Variants in RBFOX2 observed in about 807,000 individuals in gnomAD.
RBFOX2 encodes RNA binding fox-1 homolog 2, also known as RNA binding protein fox-1 homolog 2.
Under a neutral mutation model 49.1 loss-of-function variants are expected in RBFOX2, and 10 were observed. The ratio of observed to expected loss-of-function variants is 0.20; its 90% CI spans 0.13 to 0.35. RBFOX2 has a LOEUF of 0.35. Ranked by LOEUF, RBFOX2 falls within the 10% of genes least tolerant of loss-of-function variation. RBFOX2 has a pLI of 1.00. For missense variants in RBFOX2, 323 were observed against 486.9 expected (o/e 0.66, Z 3.17); for synonymous variants, 183 against 187.4 (o/e 0.98, Z 0.19).
At chr22:35,939,835 G>A (rs577018457), upstream of RBFOX2, among the ~76,000 whole-genome samples, 41 of 150,422 alleles carry the variant, frequency 2.7e-4, no homozygotes, top group East Asian at 5.8e-4. Context: ...ACTGTTAGTC[G>A]ACTGATGGAG....
intron 4 of RBFOX2, among the ~76,000 whole-genome samples, chr22:35,776,945 T>C (rs770351540): frequency 6.6e-6 from 1 of 152,100 alleles, no homozygotes; most frequent in Non-Finnish European, 1.5e-5. Context: ...AAAACATTGC[T>C]GTTTCTTTTA....
At chr22:35,856,045 T>G (rs568983506) in intron 1 of RBFOX2, among the ~76,000 whole-genome samples, 2 of 151,892 alleles carry the variant, frequency 1.3e-5, no homozygotes, top group Admixed American at 1.3e-4. Flanking sequence ...CTTAGCACAC[T>G]TAGAATGTCT....
upstream of RBFOX2, among the ~76,000 whole-genome samples, chr22:35,844,736 C>A (rs1249928607): frequency 1.3e-5 from 2 of 150,566 alleles, no homozygotes; most frequent in East Asian, 3.9e-4. Context: ...GAACTCCTGA[C>A]CTCAGGTGAT....
chr22:35,946,953 A>G (rs1234045077), intron 1 of RBFOX2, among the ~76,000 whole-genome samples: 2 of 152,228 alleles, frequency 1.3e-5, no homozygotes, highest in Non-Finnish European at 2.9e-5. Flanking sequence ...GCACTCTGGG[A>G]GGCCGAGGAG....
At chr22:36,000,722 C>T (rs902328222) in intron 1 of RBFOX2, among the ~76,000 whole-genome samples, 2 of 152,000 alleles carry the variant, frequency 1.3e-5, no homozygotes, top group Non-Finnish European at 2.9e-5. Context: ...CATCTGTTTT[C>T]CTTCGTTTTT....
At chr22:36,007,657 T>TA (rs1347881244) in intron 1 of RBFOX2, among the ~76,000 whole-genome samples, 1 of 152,220 alleles carries the variant, frequency 6.6e-6, no homozygotes, top group South Asian at 2.1e-4. Flanking sequence ...CCTATACCCT[T>TA]ATTCCTCTGT....
chr22:35,768,422 G>GA, intron 4 of RBFOX2, 73 bp from the exon 6 acceptor site: 1 of 1,304,876 alleles, frequency 7.7e-7, no homozygotes. Context: ...GGTAAATAGA[G>GA]AAAAAATATC....
At chr22:35,930,017 CTTTT>C (rs58976136) in intron 1 of RBFOX2, among the ~76,000 whole-genome samples, 2 of 121,322 alleles carry the variant, frequency 1.6e-5, no homozygotes, top group African/African-American at 7.0e-5. Context: ...CTTAATAGAA[CTTTT>C]TTTTTTTTTT....
chr22:35,833,373 T>C (rs1957128857), intron 1 of RBFOX2, among the ~76,000 whole-genome samples: 1 of 152,158 alleles, frequency 6.6e-6, no homozygotes, highest in South Asian at 2.1e-4. Context: ...AAGACAATCA[T>C]GAAAACAGAT....
intron 4 of RBFOX2, among the ~76,000 whole-genome samples, chr22:35,775,410 A>G (rs886732712): frequency 3.3e-5 from 5 of 152,234 alleles, no homozygotes; most frequent in East Asian, 1.9e-4. Flanking sequence ...TAGCAGCCCA[A>G]AGAAAAATGG....
At chr22:35,910,423 G>A (rs1317221338) in intron 1 of RBFOX2, among the ~76,000 whole-genome samples, 2 of 152,128 alleles carry the variant, frequency 1.3e-5, no homozygotes, top group Non-Finnish European at 2.9e-5. Flanking sequence ...GCTATCCAGG[G>A]GTGTCAGAGA....
intron 1 of RBFOX2, among the ~76,000 whole-genome samples, chr22:35,886,686 T>C (rs1000362631): frequency 6.6e-6 from 1 of 152,226 alleles, no homozygotes; most frequent in African/African-American, 2.4e-5. Context: ...ACAGTAAAGA[T>C]ACAATTGTTA....
intron 1 of RBFOX2, among the ~76,000 whole-genome samples, chr22:35,971,926 A>AAC (rs2056898717): frequency 1.3e-5 from 2 of 150,916 alleles, no homozygotes; most frequent in African/African-American, 4.9e-5. Context: ...AAAAAAAAAA[A>AAC]AAAAAAAAAA....
chr22:35,761,076 G>A (rs946888156), intron 8 of RBFOX2, 126 bp downstream of exon 9: 5 of 768,360 alleles, frequency 6.5e-6, no homozygotes, highest in African/African-American at 5.3e-5. Context: ...CACTGGGATA[G>A]TATTTAATAT....
intron 1 of RBFOX2, among the ~76,000 whole-genome samples, chr22:35,976,447 A>G (rs1052981778): frequency 2.0e-5 from 3 of 152,050 alleles, no homozygotes; most frequent in Non-Finnish European, 4.4e-5. Flanking sequence ...CACCTCCCTC[A>G]ACATCTAGAT....
chr22:35,753,703 A>C (rs946921397), intron 9 of RBFOX2, among the ~76,000 whole-genome samples: 3 of 151,098 alleles, frequency 2.0e-5, no homozygotes, highest in African/African-American at 7.3e-5. Flanking sequence ...TTACATTGTA[A>C]AGTAAGGAAG....
intron 3 of RBFOX2, among the ~76,000 whole-genome samples, chr22:35,778,756 C>A (rs978114347): frequency 1.3e-5 from 2 of 152,152 alleles, no homozygotes; most frequent in Non-Finnish European, 2.9e-5. Flanking sequence ...CCTGCCTCAG[C>A]CTCTTGAGTA....
At chr22:35,910,963 T>G (rs1234763502) in intron 1 of RBFOX2, among the ~76,000 whole-genome samples, 1 of 152,240 alleles carries the variant, frequency 6.6e-6, no homozygotes, top group Non-Finnish European at 1.5e-5. Flanking sequence ...ATTTTAATTA[T>G]TTCTGAAACG....
intron 1 of RBFOX2, among the ~76,000 whole-genome samples, chr22:36,025,845 C>A (rs1290633009): frequency 2.0e-5 from 3 of 151,968 alleles, no homozygotes; most frequent in Non-Finnish European, 4.4e-5. Context: ...CTTTATTTTA[C>A]AACTAAGGAA....
Sources: allele counts gnomAD v4.1 joint callset (sites outside exome capture counted in the v4.1 genomes callset), GRCh38; gene constraint gnomAD v4.1.1; transcripts MANE v1.5; gene names NCBI Gene and HGNC (gene_info 2026-07-23, HGNC 2026-07-21).